The following CRTC3 variants were observed in gnomAD, a reference collection of about 807,000 sequenced individuals.
CRTC3 encodes the protein CREB regulated transcription coactivator 3.
CRTC3 carries 26 observed loss-of-function variants against 74.5 expected under a neutral mutation model. That is an observed-to-expected ratio of 0.35 (90% CI 0.26 to 0.48). The LOEUF (loss-of-function observed/expected upper bound fraction) is 0.48, where lower values mean the gene tolerates loss of function less well. Among genes scored for constraint, CRTC3 ranks in the 20% least tolerant of loss-of-function variants. CRTC3 has a pLI of 0.99. For synonymous variants in CRTC3, 377 were observed against 325.8 expected, an observed-to-expected ratio of 1.16 and a Z score of -1.69; for missense variants, 760 against 787.3, an observed-to-expected ratio of 0.97 and a Z score of 0.41.
At chr15:90,584,237 CTTT>C (rs11355776) in intron 2 of CRTC3, among the ~76,000 whole-genome samples, 26 of 116,672 alleles carry the variant, frequency 2.2e-4, no homozygotes, top group Non-Finnish European at 2.4e-4. Context: ...TTCACCAACG[CTTT>C]TTTTTTTTTT....
At chr15:90,574,551 A>G (rs980011269) in intron 2 of CRTC3, among the ~76,000 whole-genome samples, 2 of 152,202 alleles carry the variant, frequency 1.3e-5, no homozygotes, top group African/African-American at 4.8e-5. Context: ...ATATACAGGT[A>G]TAGCTGCAAG....
intron 1 of CRTC3, among the ~76,000 whole-genome samples, chr15:90,533,277 G>C (rs1966661405): frequency 6.6e-6 from 1 of 150,998 alleles, no homozygotes; most frequent in Admixed American, 6.6e-5. Context: ...GGTGGCGGGC[G>C]CCTGTAGTCC....
rs551924073 is a variant in CRTC3 at position 90,540,400 on chromosome 15, A to G, written c.231+263A>G. Among the ~76,000 whole-genome samples the G allele has an allele frequency of 8.5e-5, 13 of 152,358 alleles. No homozygotes were observed. In the South Asian group the frequency reaches 2.7e-3, roughly 32 times the overall value. On this transcript the variant is annotated intron_variant, in intron 2 of 14. Coordinates refer to ENST00000268184, the MANE Select transcript of CRTC3 (RefSeq NM_022769.5). ...AATGTTCTAGTAGCTACATTAAAGA[A>G]GAAGAAACACGTGGGGTTAATTTTA...
intron 6 of CRTC3, among the ~76,000 whole-genome samples, chr15:90,611,296 C>T (rs1968351051): frequency 6.6e-6 from 1 of 151,968 alleles, no homozygotes; most frequent in South Asian, 2.1e-4. Context: ...CATGGGAGCA[C>T]ACAGAAGGAA....
At chr15:90,555,637 C>G (rs1477100278) in intron 2 of CRTC3, among the ~76,000 whole-genome samples, 2 of 152,156 alleles carry the variant, frequency 1.3e-5, no homozygotes, top group African/African-American at 2.4e-5. Context: ...CCTGCTTCAG[C>G]ATCCTGAGTA....
intron 1 of CRTC3, among the ~76,000 whole-genome samples, chr15:90,536,184 T>C (rs1010953807): frequency 6.6e-6 from 1 of 152,198 alleles, no homozygotes. Context: ...CTGTATATTA[T>C]AGCTTTATAA....
intron 2 of CRTC3, 70 bp downstream of exon 2, chr15:90,540,207 A>G: frequency 9.2e-7 from 1 of 1,088,976 alleles, no homozygotes; most frequent in Non-Finnish European, 1.4e-6. Context: ...ATCACTAAAA[A>G]GATGAGATCT....
intron 3 of CRTC3, chr15:90,598,126 C>T (rs989642506): frequency 3.1e-6 from 1 of 321,842 alleles, no homozygotes; most frequent in African/African-American, 2.1e-5. Flanking sequence ...AAACTGTGTC[C>T]CTGGCAGAAC....
At chr15:90,532,705 C>T (rs572909642) in intron 1 of CRTC3, among the ~76,000 whole-genome samples, 8 of 152,190 alleles carry the variant, frequency 5.3e-5, no homozygotes, top group African/African-American at 1.7e-4. Context: ...TTTAGAAGTC[C>T]GGCATTATCA....
chr15:90,606,000 C>T (rs1233786659), intron 5 of CRTC3, among the ~76,000 whole-genome samples: 1 of 151,584 alleles, frequency 6.6e-6, no homozygotes, highest in East Asian at 1.9e-4. Flanking sequence ...TCATGCCTGT[C>T]ATCCCAGCAT....
At chr15:90,576,923 G>A (rs187925214) in intron 2 of CRTC3, among the ~76,000 whole-genome samples, 28 of 152,256 alleles carry the variant, frequency 1.8e-4, no homozygotes, top group African/African-American at 6.3e-4. Context: ...GAGAGACACC[G>A]GGACACCGGG....
intron 2 of CRTC3, among the ~76,000 whole-genome samples, chr15:90,557,276 C>G (rs1048190097): frequency 6.6e-6 from 1 of 152,138 alleles, no homozygotes; most frequent in Non-Finnish European, 1.5e-5. Flanking sequence ...ACTGCCAGCA[C>G]CCCCTCACAG....
Position 90,641,939 on chromosome 15 carries a change from C to T in CRTC3, c.1659C>T (p.Ser553=), listed in dbSNP as rs1345359904. 26 of 1,613,284 alleles carry T rather than the reference C, an allele frequency of 1.6e-5. No homozygotes were observed. The highest frequency in any genetic ancestry group is 2.2e-5 in the East Asian group (1 of 44,876). Residue 553 remains serine (S), a synonymous_variant, in exon 15 of 15, where the codon TCC becomes TCT. Coordinates refer to ENST00000268184, the MANE Select transcript of CRTC3 (RefSeq NM_022769.5). ...TCTGGCCACTCCTTTCAGAAGACTC[C>T]AGCACCAGCCTGTTCAAAGACCTCA... The part of the protein sequence containing the change: ...SLPNTILPED[S]STSLFKDLNS...
At chr15:90,618,448 G>A (rs188574562) in intron 8 of CRTC3, among the ~76,000 whole-genome samples, 31 of 152,272 alleles carry the variant, frequency 2.0e-4, no homozygotes, top group Non-Finnish European at 4.1e-4. Flanking sequence ...ATTTCCATGC[G>A]CCTTTGAGAA....
intron 5 of CRTC3, among the ~76,000 whole-genome samples, chr15:90,606,072 A>G (rs1348466323): frequency 6.6e-6 from 1 of 152,098 alleles, no homozygotes; most frequent in Non-Finnish European, 1.5e-5. Context: ...CCTGGCCAAC[A>G]TGGTGAAACA....
In CRTC3 at chr15:90,601,144, A is replaced by G. The variant is rs137989535; in HGVS notation, c.352-1180A>G. 4.7e-4 allele frequency among the ~76,000 whole-genome samples: 71 copies of G among 152,326 alleles called. 1 individual carries two copies. Among genetic ancestry groups the G allele is most frequent in the Non-Finnish European group, 8.7e-4 (59 of 68,024 alleles). On this transcript the variant is annotated intron_variant, in intron 3 of 14. Coordinates refer to ENST00000268184, the MANE Select transcript of CRTC3 (RefSeq NM_022769.5). ...TGATTAACAGTGTCTTCAGAAGGCT[A>G]TTGTGTGGGAACAATTAACTAAACG...
chr15:90,535,461 GC>G (rs1332906477), intron 1 of CRTC3, among the ~76,000 whole-genome samples: 1 of 152,196 alleles, frequency 6.6e-6, no homozygotes, highest in Non-Finnish European at 1.5e-5. Context: ...TTCTCAGGGT[GC>G]TGGGTGAAAG....
chr15:90,605,333 A>G (rs889791730), intron 5 of CRTC3, among the ~76,000 whole-genome samples: 5 of 152,166 alleles, frequency 3.3e-5, no homozygotes, highest in African/African-American at 1.2e-4. Context: ...TGTGGTGCCC[A>G]TCCTCAGCTT....
At chr15:90,575,424 T>C (rs1326754485) in intron 2 of CRTC3, among the ~76,000 whole-genome samples, 1 of 152,248 alleles carries the variant, frequency 6.6e-6, no homozygotes, top group African/African-American at 2.4e-5. Context: ...TATCTTCTTT[T>C]GTTTTTGCTA....
Sources: allele counts gnomAD v4.1 joint callset (sites outside exome capture counted in the v4.1 genomes callset), GRCh38; gene constraint gnomAD v4.1.1; transcripts MANE v1.5; gene names NCBI Gene and HGNC (gene_info 2026-07-23, HGNC 2026-07-21).